Variants in FHIT observed in about 807,000 individuals in gnomAD.
The protein encoded by FHIT is bis(5'-adenosyl)-triphosphatase.
A neutral mutation model predicts 17.9 loss-of-function variants in FHIT; 19 were observed. That is an observed-to-expected ratio of 1.06 (90% confidence interval 0.74 to 1.56). The LOEUF is 1.56. Ranked by LOEUF, FHIT falls within the 40% of genes most tolerant of loss-of-function variation. The pLI, the probability that FHIT is intolerant of heterozygous loss-of-function variation, is 0.00. For synonymous variants in FHIT, 81 were observed against 69.7 expected (o/e 1.16, Z -0.81); for missense variants, 248 against 189.2 (o/e 1.31, Z -1.82).
chr3:61,208,333 G>A (rs757688392), intron 1 of FHIT, among the ~76,000 whole-genome samples: 13 of 152,016 alleles, frequency 8.6e-5, no homozygotes, highest in East Asian at 3.8e-4. Context: ...TATTAGGTCC[G>A]CTTGGTGCAG....
chr3:60,440,813 T>C (rs1300526675), intron 5 of FHIT, among the ~76,000 whole-genome samples: 1 of 152,130 alleles, frequency 6.6e-6, no homozygotes, highest in African/African-American at 2.4e-5. Flanking sequence ...CACACTCTCC[T>C]GGAACCTCTC....
At chr3:60,745,492 G>A (rs1277231768) in intron 4 of FHIT, among the ~76,000 whole-genome samples, 4 of 152,186 alleles carry the variant, frequency 2.6e-5, no homozygotes, top group Non-Finnish European at 4.4e-5. Context: ...ATTTAAAGAT[G>A]TTTAAGCAGG....
chr3:59,836,231 T>C (rs1004691377), intron 8 of FHIT, among the ~76,000 whole-genome samples: 5 of 152,146 alleles, frequency 3.3e-5, no homozygotes, highest in African/African-American at 1.2e-4. Flanking sequence ...TGTGATCCTC[T>C]CAAAATTTCA....
At chr3:60,814,795 C>T (rs1701679886) in intron 4 of FHIT, among the ~76,000 whole-genome samples, 1 of 152,008 alleles carries the variant, frequency 6.6e-6, no homozygotes, top group South Asian at 2.1e-4. Context: ...CTGCTTTCCA[C>T]AGTGGCCGAA....
intron 5 of FHIT, among the ~76,000 whole-genome samples, chr3:60,200,999 A>G (rs1702875707): frequency 6.6e-6 from 1 of 152,170 alleles, no homozygotes; most frequent in South Asian, 2.1e-4. Context: ...TGTCTCCAAC[A>G]GAACTTACTA....
At chr3:60,775,612 G>C (rs1457528590) in intron 4 of FHIT, among the ~76,000 whole-genome samples, 1 of 152,192 alleles carries the variant, frequency 6.6e-6, no homozygotes, top group East Asian at 1.9e-4. Context: ...CTATGGAAAA[G>C]TCCTGCAATA....
At chr3:60,702,206 C>A (rs782476552) in intron 4 of FHIT, among the ~76,000 whole-genome samples, 2 of 152,138 alleles carry the variant, frequency 1.3e-5, no homozygotes, top group African/African-American at 4.8e-5. Flanking sequence ...ATATTTGGAT[C>A]TGTTTCTCTT....
chr3:60,818,521 C>T (rs1287363530), intron 4 of FHIT, among the ~76,000 whole-genome samples: 1 of 152,068 alleles, frequency 6.6e-6, no homozygotes, highest in Non-Finnish European at 1.5e-5. Context: ...TGACATATAC[C>T]TCAGAATTAC....
At chr3:60,607,373 G>A (rs1340088575) in intron 4 of FHIT, among the ~76,000 whole-genome samples, 1 of 151,724 alleles carries the variant, frequency 6.6e-6, no homozygotes, top group Non-Finnish European at 1.5e-5. Context: ...GCACTTTCAT[G>A]TTTATTACTT....
intron 4 of FHIT, among the ~76,000 whole-genome samples, chr3:60,687,022 G>C (rs564537062): frequency 2.0e-4 from 31 of 152,158 alleles, no homozygotes; most frequent in African/African-American, 7.5e-4. Context: ...TTGTTCTTTG[G>C]GATTTAACTT....
chr3:60,522,244 G>T (rs150647750), intron 5 of FHIT, among the ~76,000 whole-genome samples: 1 of 151,752 alleles, frequency 6.6e-6, no homozygotes, highest in Non-Finnish European at 1.5e-5. Flanking sequence ...CTGAGAAGCT[G>T]GGATTAAAAG....
chr3:60,032,676 T>A (rs536159581), intron 5 of FHIT, among the ~76,000 whole-genome samples: 1 of 152,152 alleles, frequency 6.6e-6, no homozygotes, highest in African/African-American at 2.4e-5. Context: ...TGCCTCCCTA[T>A]ACACTGTGAT....
intron 2 of FHIT, among the ~76,000 whole-genome samples, chr3:61,198,519 G>A (rs1350652170): frequency 1.3e-5 from 2 of 150,188 alleles, no homozygotes; most frequent in Non-Finnish European, 1.5e-5. Flanking sequence ...ATACACGACA[G>A]AAAAAAAAAA....
chr3:59,922,477 G>C, intron 7 of FHIT, 63 bp from the exon 8 acceptor site: 1 of 1,393,746 alleles, frequency 7.2e-7, no homozygotes, highest in South Asian at 1.2e-5. Context: ...AGACTTGACA[G>C]TGATGCTCTC....
intron 3 of FHIT, among the ~76,000 whole-genome samples, chr3:61,002,529 T>TGTGAGCCACAGGC (rs2031164551): frequency 6.6e-6 from 1 of 152,182 alleles, no homozygotes; most frequent in Non-Finnish European, 1.5e-5. Context: ...CCCAAAGTGC[T>TGTGAGCCACAGGC]GTGAGCCACA....
chr3:61,197,568 A>G (rs2038887945), intron 2 of FHIT, among the ~76,000 whole-genome samples: 1 of 152,214 alleles, frequency 6.6e-6, no homozygotes, highest in South Asian at 2.1e-4. Context: ...TGCCCATTCC[A>G]TTCTCATTCT....
In FHIT at chr3:60,991,982, T is replaced by C. The variant is rs369090090; in HGVS notation, c.-111+50065A>G. On this transcript the variant is annotated intron_variant, in intron 3 of 9. Transcript: ENST00000492590. ...GACAAATGTCACCTCTTTAATGTCCTGAAGACATTAGGTAGAATCTAGACC... is the reference window on the plus strand; with the variant it reads ...GACAAATGTCACCTCTTTAATGTCCCGAAGACATTAGGTAGAATCTAGACC... Among the ~76,000 whole-genome samples, 93 of 152,228 alleles carry C rather than the reference T, an allele frequency of 6.1e-4. 1 individual carries two copies. The South Asian group carries it at 0.012, about 20-fold the overall frequency.
chr3:60,847,782 A>G (rs2106896321), intron 3 of FHIT, among the ~76,000 whole-genome samples: 1 of 152,238 alleles, frequency 6.6e-6, no homozygotes, highest in South Asian at 2.1e-4. Flanking sequence ...GGAAAGTCAA[A>G]TGAATTTTCC....
At position 60,082,718 on chromosome 3, in the gene FHIT, G is replaced by T. The variant is rs183795724; in HGVS notation, c.104-68566C>A. ...CCGTGGTTTGGATTTGTATTTCTCT[G>T]ATGATTAGTGAGGTTGAGCATTTTT... On this transcript the variant is annotated intron_variant, in intron 5 of 9. Coordinates refer to ENST00000492590, the MANE Select transcript of FHIT (RefSeq NM_002012.4). 1.1e-4 allele frequency among the ~76,000 whole-genome samples: 16 copies of T among 152,192 alleles called. No individual in the cohort carries two copies. In the East Asian group the frequency reaches 3.1e-3, roughly 29 times the overall value.
Sources: allele counts gnomAD v4.1 joint callset (sites outside exome capture counted in the v4.1 genomes callset), GRCh38; gene constraint gnomAD v4.1.1; transcripts MANE v1.5; gene names NCBI Gene and HGNC (gene_info 2026-07-23, HGNC 2026-07-21).